Variants in POLGARF observed in about 807,000 individuals in gnomAD.
The protein encoded by POLGARF is POLG alternative reading frame.
chr15:89,332,983 G>A, the POLGARF span: 8 of 1,377,700 alleles, frequency 5.8e-6, no homozygotes, highest in East Asian at 2.5e-5. Flanking sequence ...ACACATCAGC[G>A]CTCCCTACGT....
Sources: gnomAD v4.1 joint callset for allele counts on GRCh38, gnomAD v4.1.1 for gene constraint, MANE v1.5 for transcripts, NCBI Gene and HGNC (gene_info 2026-07-23, HGNC 2026-07-21) for gene names.